UPRT: variants seen among roughly 807,000 people sequenced by gnomAD.
UPRT encodes the protein RP11-311P8.3.
In UPRT, 5 loss-of-function variants were observed where a neutral mutation model predicts 22.6. The observed-to-expected ratio is 0.22, with a 90% CI of 0.12 to 0.47. The LOEUF (loss-of-function observed/expected upper bound fraction) is 0.47, where lower values mean the gene tolerates loss of function less well. Ranked by LOEUF, UPRT falls within the 20% of genes least tolerant of loss-of-function variation. The pLI is 0.99. For missense variants in UPRT, 181 were observed against 239.9 expected, an observed-to-expected ratio of 0.75 and a Z score of 1.62; for synonymous variants, 77 against 87.7, an observed-to-expected ratio of 0.88 and a Z score of 0.68.
upstream of UPRT, among the ~76,000 whole-genome samples, chrX:75,272,300 G>GTA (rs200145327): frequency 0.13 from 2,648 of 21,077 alleles, 152 homozygotes; most frequent in South Asian, 0.45. Flanking sequence ...ATATATATGT[G>GTA]TATATATATG....
intron 4 of UPRT, among the ~76,000 whole-genome samples, chrX:75,184,467 A>G (rs1327857813): frequency 9.5e-6 from 1 of 104,800 alleles, no homozygotes; most frequent in Admixed American, 1.0e-4. Context: ...TGATGCCTCC[A>G]GCTTTGTTCT....
intron 4 of UPRT, among the ~76,000 whole-genome samples, chrX:75,217,937 G>T (rs1602457745): frequency 9.0e-6 from 1 of 111,671 alleles, no homozygotes; most frequent in African/African-American, 3.3e-5. Context: ...AAAAACCCTA[G>T]AAGAAAACCT....
intron 4 of UPRT, among the ~76,000 whole-genome samples, chrX:75,223,529 A>G (rs993029191): frequency 9.0e-6 from 1 of 110,880 alleles, no homozygotes; most frequent in African/African-American, 3.3e-5. Context: ...TACTGCAGAG[A>G]TTGGTGATTC....
chrX:75,209,404 G>A (rs767264000), intron 4 of UPRT, among the ~76,000 whole-genome samples: 4 of 110,670 alleles, frequency 3.6e-5, no homozygotes, highest in African/African-American at 6.6e-5. Flanking sequence ...ACAGAGTTTC[G>A]CTCTTGTCGC....
At chrX:75,256,630 G>C (rs1179420155) in intron 4 of UPRT, among the ~76,000 whole-genome samples, 1 of 111,194 alleles carries the variant, frequency 9.0e-6, no homozygotes, top group Admixed American at 9.6e-5. Flanking sequence ...AGCAAGATTA[G>C]CCAAGAAAAA....
intron 4 of UPRT, among the ~76,000 whole-genome samples, chrX:75,218,602 G>A (rs1265418452): frequency 2.0e-3 from 195 of 96,799 alleles, no homozygotes; most frequent in Non-Finnish European, 3.5e-3. Flanking sequence ...TGTTTATTGC[G>A]GCACTATTCA....
intron 4 of UPRT, among the ~76,000 whole-genome samples, chrX:75,187,828 T>G (rs2082299979): frequency 8.9e-6 from 1 of 112,406 alleles, no homozygotes; most frequent in South Asian, 3.7e-4. Flanking sequence ...CTCCTGAGGC[T>G]TCTGCATTCT....
chrX:75,165,838 A>G (rs1230267391), intron 3 of UPRT, among the ~76,000 whole-genome samples: 2 of 111,086 alleles, frequency 1.8e-5, no homozygotes, highest in Non-Finnish European at 3.8e-5. Context: ...CCTGAGTGCA[A>G]ATGATCCTCC....
intron 4 of UPRT, among the ~76,000 whole-genome samples, chrX:75,211,602 C>T (rs1188864232): frequency 9.0e-6 from 1 of 110,835 alleles, no homozygotes; most frequent in Non-Finnish European, 1.9e-5. Flanking sequence ...ATCTGGAGGT[C>T]AGCCCAGGGC....
chrX:75,184,668 T>C (rs1408967592), intron 4 of UPRT, among the ~76,000 whole-genome samples: 8 of 108,245 alleles, frequency 7.4e-5, no homozygotes, highest in Non-Finnish European at 5.7e-5. Context: ...CATGGAATGT[T>C]CTTCCATTTG....
chrX:75,301,914 A>C (rs2147706048), intron 6 of UPRT, among the ~76,000 whole-genome samples: 1 of 112,268 alleles, frequency 8.9e-6, no homozygotes, highest in Admixed American at 9.5e-5. Flanking sequence ...ATGCATACAC[A>C]ATATTAATAG....
chrX:75,241,798 T>G (rs779266746), intron 4 of UPRT, among the ~76,000 whole-genome samples: 8 of 111,788 alleles, frequency 7.2e-5, no homozygotes, highest in Non-Finnish European at 1.5e-4. Flanking sequence ...GAGACCATTA[T>G]TCTAAGTGAA....
chrX:75,252,062 C>G (rs1809941601), intron 4 of UPRT, among the ~76,000 whole-genome samples: 1 of 112,075 alleles, frequency 8.9e-6, no homozygotes, highest in Non-Finnish European at 1.9e-5. Flanking sequence ...AAAATTAATT[C>G]AAGATGTATT....
chrX:75,185,918 C>A (rs1252585829), intron 4 of UPRT, among the ~76,000 whole-genome samples: 2 of 110,800 alleles, frequency 1.8e-5, no homozygotes, highest in East Asian at 5.7e-4. Context: ...CTCTTTTTTT[C>A]TTTATTAGTC....
intron 4 of UPRT, among the ~76,000 whole-genome samples, chrX:75,250,536 C>A (rs1466939736): frequency 9.0e-6 from 1 of 111,537 alleles, no homozygotes; most frequent in South Asian, 3.8e-4. Context: ...CTGAATAGAC[C>A]AATAACAGGC....
upstream of UPRT, among the ~76,000 whole-genome samples, chrX:75,269,817 G>A (rs886493168): frequency 1.7e-4 from 19 of 111,387 alleles, no homozygotes; most frequent in African/African-American, 5.9e-4. Context: ...AGAAAACCTA[G>A]GCAATACCAT....
At chrX:75,229,175 C>G (rs1272828673) in intron 4 of UPRT, among the ~76,000 whole-genome samples, 1 of 112,097 alleles carries the variant, frequency 8.9e-6, no homozygotes, top group Non-Finnish European at 1.9e-5. Flanking sequence ...CACACCCAAA[C>G]AAAATGGTAA....
intron 4 of UPRT, among the ~76,000 whole-genome samples, chrX:75,206,933 A>G (rs1602453701): frequency 8.9e-6 from 1 of 112,289 alleles, no homozygotes; most frequent in South Asian, 3.7e-4. Context: ...CAAAGTGTTG[A>G]GATTACAGGC....
chrX:75,163,210 G>A (rs902689789), exon 3 of UPRT, among the ~76,000 whole-genome samples: 3 of 111,641 alleles, frequency 2.7e-5, no homozygotes, highest in Non-Finnish European at 5.6e-5. Context: ...TCCTTGCCAC[G>A]TGACCCCTTT....
Sources: allele counts gnomAD v4.1 joint callset (sites outside exome capture counted in the v4.1 genomes callset), GRCh38; gene constraint gnomAD v4.1.1; transcripts MANE v1.5; gene names NCBI Gene and HGNC (gene_info 2026-07-23, HGNC 2026-07-21).